Variants in NSD2 observed in about 807,000 individuals in gnomAD.
NSD2 encodes the protein nuclear receptor binding SET domain protein 2, also known as histone-lysine N-methyltransferase NSD2.
A neutral mutation model predicts 139.0 loss-of-function variants in NSD2; 12 were observed. The ratio of observed to expected loss-of-function variants is 0.09; its 90% confidence interval spans 0.06 to 0.14. NSD2 has a LOEUF of 0.14. Ranked by LOEUF, NSD2 falls within the 10% of genes least tolerant of loss-of-function variation. The probability of loss-of-function intolerance (pLI) is 1.00; values close to 1 mark genes in which losing one functional copy is unlikely to be tolerated. For missense variants in NSD2, 1,155 were observed against 1,745.0 expected (o/e 0.66, Z 6.02); for synonymous variants, 669 against 648.7 (o/e 1.03, Z -0.48).
chr4:1,929,971 C>A (rs1721442268), intron 5 of NSD2, among the ~76,000 whole-genome samples: 1 of 152,162 alleles, frequency 6.6e-6, no homozygotes, highest in African/African-American at 2.4e-5. Flanking sequence ...ATCCTAGAGA[C>A]CTTGTGAAAG....
chr4:1,935,603 T>G (rs1722295548), intron 7 of NSD2, among the ~76,000 whole-genome samples: 1 of 152,234 alleles, frequency 6.6e-6, no homozygotes, highest in Admixed American at 6.5e-5. Flanking sequence ...CTTACGTCTC[T>G]AATCCCAGCA....
At chr4:1,932,962 C>G (rs1272054643) in intron 6 of NSD2, among the ~76,000 whole-genome samples, 1 of 152,302 alleles carries the variant, frequency 6.6e-6, no homozygotes, top group African/African-American at 2.4e-5. Context: ...CTGAGGGGGG[C>G]CTCGAGAGTT....
intron 3 of NSD2, among the ~76,000 whole-genome samples, chr4:1,908,862 C>G (rs1403199932): frequency 2.0e-5 from 3 of 152,096 alleles, no homozygotes; most frequent in African/African-American, 7.2e-5. Flanking sequence ...TCACTCCAGG[C>G]TCAAACTCCT....
At position 1,973,907 on chromosome 4, in the gene NSD2, C is replaced by T. The variant is rs1013253464; in HGVS notation, c.3373-956C>T. On this transcript the variant is annotated intron_variant, in intron 18 of 21. Coordinates refer to ENST00000508803, the MANE Select transcript of NSD2 (RefSeq NM_001042424.3). The surrounding 1 kb of genome is among the most constrained non-coding windows in gnomAD (Gnocchi z 5.5). ...GGTGGAGGCCGGGGCCGTCCATTCC[C>T]TGCTGCTGGGTGGAGATGTTGTCTC... 6.6e-6 allele frequency among the ~76,000 whole-genome samples: 1 copy of T among 152,212 alleles called. No homozygotes were observed. Among genetic ancestry groups the T allele is most frequent in the Non-Finnish European group, 1.5e-5 (1 of 68,032 alleles).
At chr4:1,917,203 A>T (rs908821561) in intron 4 of NSD2, among the ~76,000 whole-genome samples, 166 bp downstream of exon 4, 2 of 152,142 alleles carry the variant, frequency 1.3e-5, no homozygotes, top group Non-Finnish European at 2.9e-5. Context: ...CAATATGATA[A>T]AGTTCTTTTA....
chr4:1,948,547 T>C lies in NSD2; in HGVS notation c.1882-2525T>C, dbSNP rs1723877731. 1 of 1,064,518 alleles carries C rather than the reference T, an allele frequency of 9.4e-7. No individual in the cohort carries two copies. Among genetic ancestry groups the C allele is most frequent in the Non-Finnish European group, 1.1e-6 (1 of 877,892 alleles). 65.9% of individuals were successfully genotyped at this position (1,064,518 alleles called of 1,614,324 possible). ...TGTGGCTAGTTGTCTGTCCGGTGGC[T>C]GGGAGGGGGTGTGGTGGGAAAAAGT... On this transcript the variant is annotated intron_variant, in intron 9 of 21. Coordinates refer to ENST00000508803, the MANE Select transcript of NSD2 (RefSeq NM_001042424.3). The surrounding 1 kb of genome is among the most constrained non-coding windows in gnomAD (Gnocchi z 4.5).
rs969154880 is a variant in NSD2, at chr4:1,980,136, C to T, written c.*1227C>T. 7.3e-5 allele frequency: 17 copies of T among 233,398 alleles called. No individual in the cohort carries two copies. The highest frequency in any genetic ancestry group is 1.1e-4 in the Non-Finnish European group (13 of 118,128). 14.5% of individuals were successfully genotyped at this position (233,398 alleles called of 1,614,324 possible). ...GCCTGGCAGGTGTGCGTGCCTCGTACGTGTGTTATGGGCACTGGTCTAGGC... is the reference window on the plus strand; with the variant it reads ...GCCTGGCAGGTGTGCGTGCCTCGTATGTGTGTTATGGGCACTGGTCTAGGC... On this transcript the variant is annotated 3_prime_UTR_variant, in exon 22 of 22. Coordinates refer to ENST00000508803, the MANE Select transcript of NSD2 (RefSeq NM_001042424.3).
intron 18 of NSD2, among the ~76,000 whole-genome samples, chr4:1,962,858 G>T (rs116429307): frequency 0.015 from 2,334 of 152,150 alleles, 31 homozygotes; most frequent in Non-Finnish European, 0.022. Context: ...TTAAATAAAA[G>T]AATTGTCTTG....
rs140603753 is a variant in NSD2, at chr4:1,964,502, C to T, written c.3372+3351C>T. Among the ~76,000 whole-genome samples, 353 of 152,286 alleles carry T rather than the reference C, an allele frequency of 2.3e-3. 1 individual carries two copies. The highest frequency in any genetic ancestry group is 3.2e-3 in the Non-Finnish European group (216 of 68,018). On this transcript the variant is annotated intron_variant, in intron 18 of 21. Transcript: ENST00000508803. ...GACAGCCATGCACATGTTCTTGGAG[C>T]ACCTCGCACACAGCTTGAGGGGTTC... is the stretch of plus-strand genomic sequence containing the variant.
intron 20 of NSD2, chr4:1,975,622 C>T (rs954743653): frequency 1.4e-4 from 77 of 535,384 alleles, no homozygotes; most frequent in South Asian, 7.0e-5. Context: ...AGAACAATGC[C>T]TCACAGACGC....
chr4:1,930,037 T>C (rs1418685906), intron 5 of NSD2, among the ~76,000 whole-genome samples: 1 of 152,184 alleles, frequency 6.6e-6, no homozygotes, highest in Admixed American at 6.5e-5. Flanking sequence ...ATTTCTAGCA[T>C]GCTCCGGGTG....
At chr4:1,905,124 C>G (rs1002476382) in intron 3 of NSD2, among the ~76,000 whole-genome samples, 2 of 151,644 alleles carry the variant, frequency 1.3e-5, no homozygotes, top group Non-Finnish European at 2.9e-5. Context: ...CAGCGAAACT[C>G]TGTCTCACAA....
chr4:1,950,007 T>G (rs1392341603), intron 9 of NSD2, among the ~76,000 whole-genome samples: 1 of 152,238 alleles, frequency 6.6e-6, no homozygotes, highest in Non-Finnish European at 1.5e-5. Flanking sequence ...GATAACATAA[T>G]TACTTGTTTT....
chr4:1,975,532 T>A, intron 20 of NSD2, 132 bp downstream of exon 20: 1 of 725,630 alleles, frequency 1.4e-6, no homozygotes, highest in Non-Finnish European at 2.3e-6. Flanking sequence ...GCAAGTTCCC[T>A]GCTGTGGGCT....
intron 1 of NSD2, among the ~76,000 whole-genome samples, chr4:1,872,482 A>G (rs1006982157): frequency 6.6e-6 from 1 of 151,998 alleles, no homozygotes; most frequent in African/African-American, 2.4e-5. Flanking sequence ...TGTGCCCACG[A>G]TGGGCTTTGA....
At chr4:1,944,815 A>G (rs1423780923) in intron 9 of NSD2, 1 of 1,063,472 alleles carries the variant, frequency 9.4e-7, no homozygotes, top group Non-Finnish European at 1.1e-6. Flanking sequence ...TTCATGCAAA[A>G]ATTAAATGTC....
chr4:1,944,470 C>A, intron 9 of NSD2: 1 of 1,065,352 alleles, frequency 9.4e-7, no homozygotes, highest in Non-Finnish European at 1.1e-6. Flanking sequence ...ATACATGGAA[C>A]CATTTTAGTC....
rs778746567 is a variant in NSD2 at position 1,952,212 on chromosome 4, C to G, written c.2118C>G (p.Thr706=). 1.2e-6 allele frequency: 2 copies of G among 1,613,890 alleles called. No individual in the cohort carries two copies. Among genetic ancestry groups the G allele is most frequent in the Non-Finnish European group, 1.7e-6 (2 of 1,179,982 alleles). ...CCCGGAGGCCAGAAGGGAGGTTCAC[C>G]TGCAGCGAGTGTGCCTCAGGCAAGT... ...GLSRRPEGRF[T]CSECASGIHS... The change falls in exon 11 of 22, where the codon ACC becomes ACG. Residue 706 remains threonine (T), a synonymous_variant. Transcript: ENST00000508803.
rs560060311 is a variant in NSD2, at chr4:1,888,857, C to T, written c.-29-11769C>T. Among the ~76,000 whole-genome samples, 198 of 151,706 alleles carry T rather than the reference C, an allele frequency of 1.3e-3. 1 individual carries two copies. Among genetic ancestry groups the T allele is most frequent in the African/African-American group, 4.0e-3 (167 of 41,288 alleles). ...CTGGGATTACAGGCGTGAGCCACCA[C>T]GCCTGGCTGCTTTATTATTTTTGAG... On this transcript the variant is annotated intron_variant, in intron 1 of 21. Transcript: ENST00000508803.
Sources: gnomAD v4.1 joint callset for allele counts (sites outside exome capture counted in the v4.1 genomes callset) on GRCh38, gnomAD v4.1.1 for gene constraint, Gnocchi (gnomAD v3.1) non-coding constraint, MANE v1.5 for transcripts, NCBI Gene and HGNC (gene_info 2026-07-23, HGNC 2026-07-21) for gene names.